The following C8orf89 variants were observed in gnomAD, a reference collection of about 807,000 sequenced individuals.
The protein encoded by C8orf89 is chromosome 8 open reading frame 89.
In C8orf89, 14 loss-of-function variants were observed where a neutral mutation model predicts 15.8. The observed-to-expected ratio is 0.89, with a 90% CI of 0.59 to 1.39. The LOEUF is 1.39. Ranked by LOEUF, C8orf89 falls within the 40% of genes most tolerant of loss-of-function variation. C8orf89 has a pLI of 0.00. For synonymous variants in C8orf89, 55 were observed against 62.2 expected (o/e 0.88, Z 0.54); for missense variants, 181 against 184.5 (o/e 0.98, Z 0.11).
intron 3 of C8orf89, among the ~76,000 whole-genome samples, chr8:73,243,288 T>C (rs1377306774): frequency 6.6e-6 from 1 of 152,168 alleles, no homozygotes; most frequent in Admixed American, 6.6e-5. Context: ...TAATCGTATA[T>C]TTAAAAATAA....
intron 2 of C8orf89, among the ~76,000 whole-genome samples, chr8:73,251,555 T>C (rs1360225357): frequency 1.3e-5 from 2 of 152,228 alleles, no homozygotes; most frequent in Non-Finnish European, 2.9e-5. Flanking sequence ...TGTCATAACA[T>C]GAATAAAATA....
the C8orf89 span, among the ~76,000 whole-genome samples, chr8:73,273,519 G>A: frequency 6.6e-6 from 1 of 152,206 alleles, no homozygotes; most frequent in Admixed American, 6.5e-5. Flanking sequence ...GAGGGAGGCC[G>A]AGGTGGGGCT....
chr8:73,281,159 C>A, the C8orf89 span, among the ~76,000 whole-genome samples: 1 of 152,120 alleles, frequency 6.6e-6, no homozygotes, highest in Non-Finnish European at 1.5e-5. Flanking sequence ...TGGCTCACAC[C>A]TGTCATCCTA....
At chr8:73,274,995 A>C in the C8orf89 span, among the ~76,000 whole-genome samples, 1 of 152,232 alleles carries the variant, frequency 6.6e-6, no homozygotes, top group African/African-American at 2.4e-5. Flanking sequence ...TATTACAAAC[A>C]ATATGACAGT....
intron 3 of C8orf89, among the ~76,000 whole-genome samples, chr8:73,247,452 A>G (rs980862216): frequency 6.6e-6 from 1 of 152,242 alleles, no homozygotes; most frequent in Non-Finnish European, 1.5e-5. Context: ...CTTTGGGTAC[A>G]TACCCAGTAA....
At chr8:73,272,683 C>G in the C8orf89 span, among the ~76,000 whole-genome samples, 1 of 152,058 alleles carries the variant, frequency 6.6e-6, no homozygotes, top group Non-Finnish European at 1.5e-5. Context: ...CAATTCCCAC[C>G]TATGAGTGAG....
chr8:73,247,045 T>C (rs1021480053), intron 3 of C8orf89, among the ~76,000 whole-genome samples: 6 of 152,352 alleles, frequency 3.9e-5, no homozygotes, highest in African/African-American at 1.4e-4. Context: ...ACTTTCTTTT[T>C]AACTTTTATT....
intron 3 of C8orf89, 70 bp downstream of exon 3, chr8:73,250,198 T>A: frequency 1.1e-6 from 1 of 931,266 alleles, no homozygotes; most frequent in Non-Finnish European, 1.6e-6. Flanking sequence ...AAGAAAGGAA[T>A]TTTTTTTAAA....
intron 3 of C8orf89, among the ~76,000 whole-genome samples, chr8:73,245,165 C>T (rs911358632): frequency 1.1e-4 from 16 of 152,296 alleles, no homozygotes; most frequent in African/African-American, 2.9e-4. Context: ...ATGGGGCAAC[C>T]GCCCCCATGA....
chr8:73,282,071 T>C, the C8orf89 span, among the ~76,000 whole-genome samples: 6 of 152,240 alleles, frequency 3.9e-5, no homozygotes, highest in Non-Finnish European at 8.8e-5. Flanking sequence ...AATGTTGGGA[T>C]CTGTTTGTCA....
the C8orf89 span, among the ~76,000 whole-genome samples, chr8:73,280,462 C>A: frequency 1.3e-5 from 2 of 152,146 alleles, no homozygotes; most frequent in African/African-American, 4.8e-5. Context: ...CCTCCACCTC[C>A]CAGGTTCAAG....
chr8:73,254,135 A>G (rs1369999862), intron 2 of C8orf89, among the ~76,000 whole-genome samples: 2 of 152,152 alleles, frequency 1.3e-5, no homozygotes, highest in Non-Finnish European at 2.9e-5. Flanking sequence ...GAGAGTTTTT[A>G]GCATGAAGAG....
chr8:73,266,888 T>A, the C8orf89 span, among the ~76,000 whole-genome samples: 3 of 151,210 alleles, frequency 2.0e-5, no homozygotes, highest in Non-Finnish European at 4.4e-5. Context: ...TGATTCCAGG[T>A]CTGTGGTAGG....
Position 73,254,955 on chromosome 8 carries a change from G to A in C8orf89, c.281+2018C>T, listed in dbSNP as rs368951290. Among the ~76,000 whole-genome samples the A allele has an allele frequency of 1.3e-4, 20 of 151,624 alleles. No individual in the cohort carries two copies. The East Asian group carries it at 2.5e-3, about 19-fold the overall frequency. On this transcript the variant is annotated intron_variant, in intron 2 of 3. Coordinates refer to ENST00000624510, the MANE Select transcript of C8orf89 (RefSeq NM_001243237.3). ...ACTGGATCCCTTCCTTACACCTTAT[G>A]CAAAAATTAATTCAAGATGGATTAA...
chr8:73,271,093 T>A, the C8orf89 span, among the ~76,000 whole-genome samples: 2,972 of 152,296 alleles, frequency 0.02, 104 homozygotes, highest in African/African-American at 0.067. Context: ...CCTTCCTGGA[T>A]AAGGCAGCCA....
chr8:73,281,331 T>C, the C8orf89 span, among the ~76,000 whole-genome samples: 1 of 152,082 alleles, frequency 6.6e-6, no homozygotes, highest in South Asian at 2.1e-4. Flanking sequence ...AGAATGAAAA[T>C]AACTCAAATG....
In C8orf89 at chr8:73,259,320, C is replaced by T; in HGVS notation, c.127+12G>A. 15 of 1,464,854 alleles carry T rather than the reference C, an allele frequency of 1.0e-5. No homozygotes were observed. Among genetic ancestry groups the T allele is most frequent in the Non-Finnish European group, 1.4e-5 (15 of 1,095,294 alleles). 90.7% of individuals were successfully genotyped at this position (1,464,854 alleles called of 1,614,324 possible). ...TATGTTTTCTTAAGGAAAATAATAACAATAAAGTTACCTTTCTTAATCTTT... is the reference window on the plus strand; with the variant it reads ...TATGTTTTCTTAAGGAAAATAATAATAATAAAGTTACCTTTCTTAATCTTT... On this transcript the variant is annotated intron_variant, in intron 1 of 3. Transcript: ENST00000624510.
the C8orf89 span, among the ~76,000 whole-genome samples, chr8:73,274,308 C>A: frequency 7.9e-5 from 12 of 152,238 alleles, no homozygotes; most frequent in African/African-American, 2.9e-4. Context: ...CCCGCCACCA[C>A]GCCTGGCTAA....
the C8orf89 span, among the ~76,000 whole-genome samples, chr8:73,273,340 G>C: frequency 1.3e-5 from 2 of 152,196 alleles, no homozygotes; most frequent in African/African-American, 4.8e-5. Flanking sequence ...TGCTTCCCCT[G>C]CCTGGCCTCT....
Sources: gnomAD v4.1 joint callset for allele counts (sites outside exome capture counted in the v4.1 genomes callset) on GRCh38, gnomAD v4.1.1 for gene constraint, MANE v1.5 for transcripts, NCBI Gene and HGNC (gene_info 2026-07-23, HGNC 2026-07-21) for gene names.